Variants in NOXRED1 observed in about 807,000 individuals in gnomAD.
NOXRED1 encodes NADP dependent oxidoreductase domain containing 1.
Under a neutral mutation model 30.4 loss-of-function variants are expected in NOXRED1, and 20 were observed. That is an observed-to-expected ratio of 0.66 (90% confidence interval 0.46 to 0.96). The LOEUF is 0.96. NOXRED1 is among the 40% of genes least tolerant of loss of function. The probability of loss-of-function intolerance (pLI) is 0.00; values close to 1 mark genes in which losing one functional copy is unlikely to be tolerated. For missense variants in NOXRED1, 374 were observed against 428.0 expected (o/e 0.87, Z 1.11); for synonymous variants, 155 against 168.0 (o/e 0.92, Z 0.60).
At chr14:77,418,777 C>T (rs1043235401) in intron 1 of NOXRED1, among the ~76,000 whole-genome samples, 1 of 152,096 alleles carries the variant, frequency 6.6e-6, no homozygotes, top group African/African-American at 2.4e-5. Context: ...AATTCTCCTG[C>T]CTTGGCCTCC....
At chr14:77,423,785 G>C, upstream of NOXRED1, among the ~76,000 whole-genome samples, 1 of 152,118 alleles carries the variant, frequency 6.6e-6, no homozygotes, top group East Asian at 1.9e-4. Flanking sequence ...CACTACTTGA[G>C]TTAGTTTACA....
intron 1 of NOXRED1, among the ~76,000 whole-genome samples, chr14:77,416,471 C>T (rs574346965): frequency 6.6e-5 from 10 of 152,280 alleles, no homozygotes; most frequent in African/African-American, 1.4e-4. Flanking sequence ...TTAATCCATT[C>T]AACCCTGAGT....
At chr14:77,406,655 A>T in intron 4 of NOXRED1, 69 bp downstream of exon 4, 1 of 1,377,220 alleles carries the variant, frequency 7.3e-7, no homozygotes, top group Non-Finnish European at 1.0e-6. Context: ...AGATTGATTT[A>T]ATAAGATAGC....
intron 2 of NOXRED1, among the ~76,000 whole-genome samples, chr14:77,408,406 G>A (rs1894542546): frequency 6.6e-6 from 1 of 151,624 alleles, no homozygotes. Flanking sequence ...ATGTTGCCTA[G>A]GTTGGCCTCA....
chr14:77,402,144 G>C (rs1894344255), intron 5 of NOXRED1, among the ~76,000 whole-genome samples: 1 of 152,096 alleles, frequency 6.6e-6, no homozygotes, highest in Non-Finnish European at 1.5e-5. Context: ...AACACCAAAG[G>C]CATGATCCAT....
At chr14:77,414,369 C>T (rs1004253029) in intron 1 of NOXRED1, among the ~76,000 whole-genome samples, 10 of 152,002 alleles carry the variant, frequency 6.6e-5, no homozygotes, top group African/African-American at 1.7e-4. Flanking sequence ...TTAGTAGAAA[C>T]AGGGTTTCAC....
chr14:77,411,896 A>G (rs987442040), intron 2 of NOXRED1, among the ~76,000 whole-genome samples: 76 of 152,296 alleles, frequency 5.0e-4, no homozygotes, highest in Non-Finnish European at 3.5e-4. Context: ...GTACAAGACC[A>G]GCCTGGCTAA....
upstream of NOXRED1, among the ~76,000 whole-genome samples, chr14:77,424,172 C>A (rs1401715260): frequency 1.3e-5 from 2 of 152,224 alleles, no homozygotes; most frequent in Non-Finnish European, 1.5e-5. Context: ...AAGTCTCACC[C>A]TGGCGTGGTG....
chr14:77,413,792 T>A, intron 2 of NOXRED1, 142 bp downstream of exon 2: 1 of 521,708 alleles, frequency 1.9e-6, no homozygotes, highest in Non-Finnish European at 3.3e-6. Context: ...AGGCCATGCT[T>A]CTAACCTTTC....
chr14:77,414,957 A>C (rs1358030327), intron 1 of NOXRED1, among the ~76,000 whole-genome samples: 7 of 152,092 alleles, frequency 4.6e-5, no homozygotes, highest in Admixed American at 4.6e-4. Flanking sequence ...CAGGCAGATC[A>C]CTTGAGCTCA....
chr14:77,399,346 C>A (rs1319053374), intron 5 of NOXRED1, among the ~76,000 whole-genome samples: 1 of 151,910 alleles, frequency 6.6e-6, no homozygotes, highest in African/African-American at 2.4e-5. Flanking sequence ...TCCAGCTACT[C>A]GGGAGAGGTG....
At chr14:77,415,539 A>G (rs1292583762) in intron 1 of NOXRED1, among the ~76,000 whole-genome samples, 1 of 151,584 alleles carries the variant, frequency 6.6e-6, no homozygotes, top group Non-Finnish European at 1.5e-5. Flanking sequence ...ACTGCACTCC[A>G]GCCTGGGCAA....
chr14:77,413,945 G>C lies in NOXRED1; in HGVS notation c.338C>G (p.Pro113Arg), dbSNP rs1894734001. 1 of 1,588,576 alleles carries C rather than the reference G, an allele frequency of 6.3e-7. No individual in the cohort carries two copies. Among genetic ancestry groups the C allele is most frequent in the Admixed American group, 1.7e-5 (1 of 58,736 alleles). ...AESLRISTRR[P>R]ETLGELQKLG... ...ACACTGCTCCTCACCCAGAGTCTCT[G>C]GCCTCCGAGTGGAGATCCGCAGGCT... The change falls in exon 2 of 6, where the codon CCA (proline) becomes CGA (arginine). Residue 113 changes from proline (P) to arginine (R), a missense_variant. By Grantham distance (103) the Pro-to-Arg change is moderately radical. Coordinates refer to ENST00000380835, the MANE Select transcript of NOXRED1 (RefSeq NM_001113475.3).
At chr14:77,398,289 T>C (rs991073418) in intron 5 of NOXRED1, among the ~76,000 whole-genome samples, 2 of 152,176 alleles carry the variant, frequency 1.3e-5, no homozygotes, top group Admixed American at 1.3e-4. Context: ...CTCAGTGATA[T>C]CTGAGAAAAA....
At chr14:77,411,830 G>A (rs1033318152) in intron 2 of NOXRED1, among the ~76,000 whole-genome samples, 1 of 152,180 alleles carries the variant, frequency 6.6e-6, no homozygotes, top group South Asian at 2.1e-4. Context: ...AGTGGCTCAC[G>A]CCTGTAATCC....
At chr14:77,396,259 T>C (rs1894179433) in intron 5 of NOXRED1, among the ~76,000 whole-genome samples, 1 of 151,616 alleles carries the variant, frequency 6.6e-6, no homozygotes, top group Admixed American at 6.6e-5. Context: ...TTTTTTTTTT[T>C]TTTTTTTGAA....
chr14:77,421,382 T>C (rs2139705111), intron 1 of NOXRED1, among the ~76,000 whole-genome samples: 1 of 152,352 alleles, frequency 6.6e-6, no homozygotes, highest in Admixed American at 6.5e-5. Flanking sequence ...ATCTTACTGA[T>C]ACCAATCTGA....
intron 1 of NOXRED1, among the ~76,000 whole-genome samples, chr14:77,417,195 G>A (rs1019922984): frequency 6.6e-6 from 1 of 151,704 alleles, no homozygotes; most frequent in Non-Finnish European, 1.5e-5. Flanking sequence ...AATTTGTTAG[G>A]ACTTATTTTG....
At chr14:77,399,346 C>G (rs1319053374) in intron 5 of NOXRED1, among the ~76,000 whole-genome samples, 2 of 151,910 alleles carry the variant, frequency 1.3e-5, no homozygotes, top group Non-Finnish European at 2.9e-5. Context: ...TCCAGCTACT[C>G]GGGAGAGGTG....
Sources: gnomAD v4.1 joint callset for allele counts (sites outside exome capture counted in the v4.1 genomes callset) on GRCh38, gnomAD v4.1.1 for gene constraint, MANE v1.5 for transcripts, NCBI Gene and HGNC (gene_info 2026-07-23, HGNC 2026-07-21) for gene names.